ROBO2: variants seen among roughly 807,000 people sequenced by gnomAD.
ROBO2 encodes the protein roundabout guidance receptor 2, also known as roundabout homolog 2.
Under a neutral mutation model 160.8 loss-of-function variants are expected in ROBO2, and 53 were observed. The ratio of observed to expected loss-of-function variants is 0.33; its 90% CI spans 0.26 to 0.41. ROBO2 has a LOEUF of 0.41. Among genes scored for constraint, ROBO2 ranks in the 10% least tolerant of loss-of-function variants. The pLI, the probability that ROBO2 is intolerant of heterozygous loss-of-function variation, is 1.00. For synonymous variants in ROBO2, 664 were observed against 611.7 expected (o/e 1.09, Z -1.26); for missense variants, 1,577 against 1,722.4 (o/e 0.92, Z 1.49).
At chr3:77,035,889 C>T (rs1345769128), upstream of ROBO2, among the ~76,000 whole-genome samples, 24 of 151,844 alleles carry the variant, frequency 1.6e-4, no homozygotes, top group Admixed American at 1.6e-3. Flanking sequence ...TGTGATGTTT[C>T]TGTATAGTAT....
At chr3:77,298,303 A>G (rs1321982798) in intron 2 of ROBO2, among the ~76,000 whole-genome samples, 2 of 152,174 alleles carry the variant, frequency 1.3e-5, no homozygotes, top group Non-Finnish European at 2.9e-5. Context: ...CAAGCATGGA[A>G]AATGATTTTC....
chr3:77,438,847 T>C (rs2153550725), intron 2 of ROBO2, among the ~76,000 whole-genome samples: 1 of 152,162 alleles, frequency 6.6e-6, no homozygotes, highest in East Asian at 1.9e-4. Flanking sequence ...GATGATGTGT[T>C]ACTAAATAAC....
intron 1 of ROBO2, among the ~76,000 whole-genome samples, chr3:77,069,756 T>C (rs1367302239): frequency 6.6e-6 from 1 of 152,202 alleles, no homozygotes; most frequent in Non-Finnish European, 1.5e-5. Flanking sequence ...CTTCTTGCAC[T>C]GTCTTGATAG....
intron 2 of ROBO2, among the ~76,000 whole-genome samples, chr3:76,593,102 A>C (rs2108846526): frequency 6.6e-6 from 1 of 152,222 alleles, no homozygotes; most frequent in South Asian, 2.1e-4. Context: ...ATTTATTGTG[A>C]AACTACCATG....
chr3:75,975,488 GTC>G (rs1220041709), intron 2 of ROBO2, among the ~76,000 whole-genome samples: 16 of 150,970 alleles, frequency 1.1e-4, no homozygotes, highest in African/African-American at 3.9e-4. Flanking sequence ...ATTTCAGTTA[GTC>G]TCTGTTTAGA....
At chr3:76,416,309 C>T (rs1164319484) in intron 2 of ROBO2, among the ~76,000 whole-genome samples, 1 of 152,066 alleles carries the variant, frequency 6.6e-6, no homozygotes, top group African/African-American at 2.4e-5. Context: ...GTCATATTTT[C>T]ACAGTCTTTT....
At position 76,614,280 on chromosome 3, in the gene ROBO2, C is replaced by T. The variant is rs1425169131; in HGVS notation, c.110-483734C>T. On this transcript the variant is annotated intron_variant, in intron 2 of 26. Coordinates refer to the ROBO2 transcript ENST00000487694. ...TCTAAATCCCTGTATCTCAGACTAC[C>T]CACCTTGTCCTTAAAAATGTGATCA... Among the ~76,000 whole-genome samples, 3 of 152,128 alleles carry T rather than the reference C, an allele frequency of 2.0e-5. No homozygotes were observed. In the East Asian group the frequency reaches 5.8e-4, roughly 29 times the overall value.
chr3:76,063,319 AT>A (rs1375431038), intron 2 of ROBO2, among the ~76,000 whole-genome samples: 3 of 148,858 alleles, frequency 2.0e-5, no homozygotes, highest in Admixed American at 6.7e-5. Flanking sequence ...TGCTCTAAGA[AT>A]TTTTTTTATG....
intron 2 of ROBO2, among the ~76,000 whole-genome samples, chr3:76,723,531 T>C (rs1302566297): frequency 6.6e-6 from 1 of 152,182 alleles, no homozygotes; most frequent in African/African-American, 2.4e-5. Flanking sequence ...GGGATGGAAC[T>C]GCCATTCTCC....
intron 2 of ROBO2, among the ~76,000 whole-genome samples, chr3:76,483,710 C>T (rs184813353): frequency 5.7e-4 from 87 of 152,230 alleles, no homozygotes; most frequent in African/African-American, 2.0e-3. Context: ...GATCCTCCCC[C>T]TCCTCCCATC....
intron 2 of ROBO2, among the ~76,000 whole-genome samples, chr3:76,331,706 C>G (rs6789770): frequency 0.7 from 100,449 of 142,576 alleles, 38,277 homozygotes; most frequent in Non-Finnish European, 0.87. Flanking sequence ...TTTTTTTTTT[C>G]GAGACGTAAT....
At chr3:77,583,167 AAAAAAAAGG>A (rs2093962929) in intron 16 of ROBO2, among the ~76,000 whole-genome samples, 1 of 151,428 alleles carries the variant, frequency 6.6e-6, no homozygotes, top group African/African-American at 2.4e-5. Context: ...AAAAAAAAAA[AAAAAAAAGG>A]AAAAAACATT....
At chr3:77,376,285 G>T (rs1385678828) in intron 2 of ROBO2, among the ~76,000 whole-genome samples, 1 of 150,246 alleles carries the variant, frequency 6.7e-6, no homozygotes, top group Non-Finnish European at 1.5e-5. Context: ...CTCCTGAGTA[G>T]CAGGTATTAC....
chr3:76,767,846 T>TC (rs2061658702), intron 2 of ROBO2, among the ~76,000 whole-genome samples: 1 of 151,484 alleles, frequency 6.6e-6, no homozygotes. Context: ...GCTTACATCA[T>TC]CAAAAACATA....
intron 2 of ROBO2, among the ~76,000 whole-genome samples, chr3:77,202,372 A>C (rs923720988): frequency 3.3e-5 from 5 of 152,164 alleles, no homozygotes; most frequent in Non-Finnish European, 7.4e-5. Context: ...TGATAGAGAA[A>C]TGCTGAATGG....
At chr3:76,989,554 G>A (rs747384268) in intron 2 of ROBO2, among the ~76,000 whole-genome samples, 7 of 151,714 alleles carry the variant, frequency 4.6e-5, no homozygotes, top group African/African-American at 9.7e-5. Flanking sequence ...GTAACTAACC[G>A]CCGGGTTCTT....
intron 2 of ROBO2, among the ~76,000 whole-genome samples, chr3:77,210,798 C>G (rs2084039129): frequency 6.9e-6 from 1 of 144,926 alleles, no homozygotes; most frequent in African/African-American, 2.6e-5. Context: ...TCCATGAGTT[C>G]TCATTGTTCA....
intron 2 of ROBO2, among the ~76,000 whole-genome samples, chr3:77,031,465 A>G (rs949032236): frequency 6.8e-6 from 1 of 147,086 alleles, no homozygotes; most frequent in Admixed American, 6.9e-5. Flanking sequence ...TATATAAATG[A>G]TATATGACTA....
chr3:75,966,682 T>C (rs1949128740), intron 2 of ROBO2, among the ~76,000 whole-genome samples: 1 of 151,622 alleles, frequency 6.6e-6, no homozygotes. Context: ...ATTTGTAAAA[T>C]TGTCAAAGCA....
Sources: allele counts gnomAD v4.1 joint callset (sites outside exome capture counted in the v4.1 genomes callset), GRCh38; gene constraint gnomAD v4.1.1; transcripts MANE v1.5; gene names NCBI Gene and HGNC (gene_info 2026-07-23, HGNC 2026-07-21).